IGF1R: variants seen among roughly 807,000 people sequenced by gnomAD.
IGF1R encodes the protein insulin like growth factor 1 receptor.
IGF1R carries 44 observed loss-of-function variants against 144.6 expected under a neutral mutation model. The observed-to-expected ratio is 0.30, with a 90% confidence interval of 0.24 to 0.39. The LOEUF is 0.39. Ranked by LOEUF, IGF1R falls within the 10% of genes least tolerant of loss-of-function variation. IGF1R has a pLI of 1.00. For synonymous variants in IGF1R, 795 were observed against 722.8 expected (o/e 1.10, Z -1.60); for missense variants, 1,355 against 1,833.7 (o/e 0.74, Z 4.77).
chr15:98,732,214 G>T (rs1011488588), intron 2 of IGF1R, among the ~76,000 whole-genome samples: 2 of 152,196 alleles, frequency 1.3e-5, no homozygotes, highest in African/African-American at 4.8e-5. Flanking sequence ...GGGTAGATTG[G>T]TGTGGAGGGG....
rs148954351 is a variant in IGF1R at position 98,951,387 on chromosome 15, G to A, written c.3722+2679G>A. Among the ~76,000 whole-genome samples the A allele has an allele frequency of 1.7e-3, 255 of 152,308 alleles. 1 individual carries two copies. Among genetic ancestry groups the A allele is most frequent in the African/African-American group, 5.9e-3 (245 of 41,566 alleles). On this transcript the variant is annotated intron_variant, in intron 20 of 20. Coordinates refer to ENST00000650285, the MANE Select transcript of IGF1R (RefSeq NM_000875.5). ...CACAATCCAAACTTGGAAGAGACTCGAAAGACCACTTAGTACCTTTTCTTG... is the reference window on the plus strand; with the variant it reads ...CACAATCCAAACTTGGAAGAGACTCAAAAGACCACTTAGTACCTTTTCTTG...
At chr15:98,924,708 A>G (rs1487135227) in intron 13 of IGF1R, 24 bp downstream of exon 13, 2 of 1,600,590 alleles carry the variant, frequency 1.2e-6, no homozygotes, top group Admixed American at 3.4e-5. Flanking sequence ...AGGGAGAAGA[A>G]ACGTGGTAAA....
chr15:98,931,943 G>A (rs575220180), intron 15 of IGF1R, among the ~76,000 whole-genome samples: 2 of 152,192 alleles, frequency 1.3e-5, no homozygotes, highest in Non-Finnish European at 1.5e-5. Context: ...CCCAGATGAT[G>A]GAATTGATAG....
intron 1 of IGF1R, among the ~76,000 whole-genome samples, chr15:98,666,013 G>T (rs1217739159): frequency 6.6e-6 from 1 of 152,206 alleles, no homozygotes; most frequent in African/African-American, 2.4e-5. Flanking sequence ...ATGCTAGTAG[G>T]TAAGGATACT....
chr15:98,934,748 G>T (rs1437955487), intron 15 of IGF1R, 76 bp from the exon 16 acceptor site: 10 of 1,241,990 alleles, frequency 8.1e-6, no homozygotes, highest in South Asian at 2.5e-5. Flanking sequence ...ATATTCTTTG[G>T]CTTAGAGTTC....
Position 98,922,265 on chromosome 15 carries a change from A to G in IGF1R, c.2319A>G (p.Thr773=), listed in dbSNP as rs2015522218. 8 of 1,614,088 alleles carry G rather than the reference A, an allele frequency of 5.0e-6. No homozygotes were observed. Among genetic ancestry groups the G allele is most frequent in the African/African-American group, 4.0e-5 (3 of 74,930 alleles). ...TCACCGACCCGGAAGAGCTGGAGACAGAGTACCCTTTCTTTGAGAGCAGAG... is the reference window on the plus strand; with the variant it reads ...TCACCGACCCGGAAGAGCTGGAGACGGAGTACCCTTTCTTTGAGAGCAGAG... The part of the protein sequence containing the change: ...YNITDPEELE[T]EYPFFESRVD... Residue 773 remains threonine (T), a synonymous_variant, in exon 11 of 21, where the codon ACA becomes ACG. Transcript: ENST00000650285.
At chr15:98,950,523 G>A (rs2016732479) in intron 20 of IGF1R, among the ~76,000 whole-genome samples, 1 of 152,136 alleles carries the variant, frequency 6.6e-6, no homozygotes, top group African/African-American at 2.4e-5. Flanking sequence ...TGTCAGCTGG[G>A]GACTGCTTTC....
intron 2 of IGF1R, among the ~76,000 whole-genome samples, chr15:98,788,058 C>CTGTGTGTGTGTGTGTGTG (rs1462764560): frequency 1.6e-5 from 2 of 128,008 alleles, no homozygotes; most frequent in African/African-American, 6.1e-5. Flanking sequence ...CTCTCTCTCT[C>CTGTGTGTGTGTGTGTGTG]TCTCTGTGTG....
intron 13 of IGF1R, among the ~76,000 whole-genome samples, chr15:98,926,268 T>A (rs983936959): frequency 1.3e-5 from 2 of 152,120 alleles, no homozygotes; most frequent in African/African-American, 4.8e-5. Context: ...ATCTAAGAAG[T>A]TAAGCTCATG....
chr15:98,717,777 T>C (rs1171481757), intron 2 of IGF1R, among the ~76,000 whole-genome samples: 3 of 152,212 alleles, frequency 2.0e-5, no homozygotes, highest in Non-Finnish European at 4.4e-5. Context: ...TAAATGCCTC[T>C]GTCTGTTTGC....
At chr15:98,674,404 A>G (rs2052977839) in intron 1 of IGF1R, among the ~76,000 whole-genome samples, 1 of 152,136 alleles carries the variant, frequency 6.6e-6, no homozygotes, top group African/African-American at 2.4e-5. Flanking sequence ...CAATATCATC[A>G]CCCTAGGCTT....
At chr15:98,835,119 C>A (rs976457616) in intron 2 of IGF1R, among the ~76,000 whole-genome samples, 26 of 138,098 alleles carry the variant, frequency 1.9e-4, no homozygotes, top group African/African-American at 7.5e-4. Flanking sequence ...ACCCCTACAC[C>A]CACACACACC....
chr15:98,926,790 A>G lies in IGF1R; in HGVS notation c.2782+2106A>G, dbSNP rs74032109. Reference sequence around the variant, plus strand: ...TAGGGGTAAATGGATGTTTAGGCAGATAATTTTGTCAATTAAAATAGTCTG... The same window carrying G: ...TAGGGGTAAATGGATGTTTAGGCAGGTAATTTTGTCAATTAAAATAGTCTG... On this transcript the variant is annotated intron_variant, in intron 13 of 20. Transcript: ENST00000650285. 2.2e-3 allele frequency among the ~76,000 whole-genome samples: 335 copies of G among 152,334 alleles called. 2 individuals carry two copies. Among genetic ancestry groups the G allele is most frequent in the African/African-American group, 7.8e-3 (323 of 41,568 alleles).
intron 2 of IGF1R, among the ~76,000 whole-genome samples, chr15:98,853,153 G>A (rs575874349): frequency 2.6e-5 from 4 of 152,216 alleles, no homozygotes; most frequent in South Asian, 2.1e-4. Flanking sequence ...TTTATTCCAC[G>A]ATGGGTCTTG....
chr15:98,923,113 A>T (rs1457281111), intron 11 of IGF1R, among the ~76,000 whole-genome samples: 2 of 152,216 alleles, frequency 1.3e-5, no homozygotes, highest in African/African-American at 4.8e-5. Flanking sequence ...TCCCTGCCTC[A>T]GTTTCCTTAG....
chr15:98,792,824 A>T (rs146709913), intron 2 of IGF1R, among the ~76,000 whole-genome samples: 3 of 152,196 alleles, frequency 2.0e-5, no homozygotes, highest in Admixed American at 1.3e-4. Flanking sequence ...TTTTGGTTCA[A>T]TAAGAGTTGA....
Position 98,957,497 on chromosome 15 carries a change from G to GC in IGF1R, c.*55_*56insC, listed in dbSNP as rs2017052099. On this transcript the variant is annotated 3_prime_UTR_variant, in exon 21 of 21. Coordinates refer to ENST00000650285, the MANE Select transcript of IGF1R (RefSeq NM_000875.5). Reference sequence around the variant, plus strand: ...AACGTGTGCGCACGCGCAGCGGGGTGGGGGGGGAGAGAGAGTTTTAACAAT... The same window carrying GC: ...AACGTGTGCGCACGCGCAGCGGGGTGCGGGGGGGAGAGAGAGTTTTAACAAT... 4 of 1,562,004 alleles carry GC rather than the reference G, an allele frequency of 2.6e-6. No homozygotes were observed. Among genetic ancestry groups the GC allele is most frequent in the Non-Finnish European group, 3.5e-6 (4 of 1,138,964 alleles).
rs1263380323 is a variant in IGF1R, at chr15:98,732,127, A to G, written c.640+24020A>G. On this transcript the variant is annotated intron_variant, in intron 2 of 20. Coordinates refer to ENST00000650285, the MANE Select transcript of IGF1R (RefSeq NM_000875.5). ...GAAATCTCCCTGTGGGGAGGCTGAC[A>G]TGGAAACCAACCAAATGGGAGTGTG... is the stretch of plus-strand genomic sequence containing the variant. 3.3e-5 allele frequency among the ~76,000 whole-genome samples: 5 copies of G among 152,324 alleles called. No individual in the cohort carries two copies. In the East Asian group the frequency reaches 7.7e-4, roughly 23 times the overall value.
intron 2 of IGF1R, among the ~76,000 whole-genome samples, chr15:98,830,603 A>ACCTTTTT (rs949484748): frequency 4.5e-5 from 6 of 133,722 alleles, no homozygotes; most frequent in African/African-American, 2.0e-4. Context: ...TCTGATCATC[A>ACCTTTTT]TCTTTTTTTT....
Sources: allele counts gnomAD v4.1 joint callset (sites outside exome capture counted in the v4.1 genomes callset), GRCh38; gene constraint gnomAD v4.1.1; transcripts MANE v1.5; gene names NCBI Gene and HGNC (gene_info 2026-07-23, HGNC 2026-07-21).